Variants in DPYSL5 observed in about 807,000 individuals in gnomAD.
DPYSL5 encodes the protein dihydropyrimidinase-related protein 5.
DPYSL5 carries 9 observed loss-of-function variants against 58.4 expected under a neutral mutation model. The ratio of observed to expected loss-of-function variants is 0.15; its 90% CI spans 0.09 to 0.27. The LOEUF (loss-of-function observed/expected upper bound fraction) is 0.27. DPYSL5 is among the 10% of genes least tolerant of loss of function. The pLI, the probability that DPYSL5 is intolerant of heterozygous loss-of-function variation, is 1.00. For synonymous variants in DPYSL5, 293 were observed against 301.9 expected (o/e 0.97, Z 0.31); for missense variants, 499 against 770.6 (o/e 0.65, Z 4.17).
chr2:26,861,165 C>G (rs1479440102), intron 1 of DPYSL5, among the ~76,000 whole-genome samples: 1 of 152,164 alleles, frequency 6.6e-6, no homozygotes, highest in Non-Finnish European at 1.5e-5. Context: ...GCTTACTGAA[C>G]AGACAGACTG....
At chr2:26,922,837 C>G (rs575420230) in intron 2 of DPYSL5, among the ~76,000 whole-genome samples, 1 of 152,204 alleles carries the variant, frequency 6.6e-6, no homozygotes, top group Non-Finnish European at 1.5e-5. Flanking sequence ...TGCTCTCCTT[C>G]TCCCGGTTCC....
intron 6 of DPYSL5, among the ~76,000 whole-genome samples, chr2:26,932,185 A>AAGAC (rs1438010833): frequency 0.058 from 4,108 of 70,264 alleles, 227 homozygotes; most frequent in Admixed American, 0.15. Context: ...GAAAGAAAGA[A>AAGAC]AGAAAGAAAG....
chr2:26,878,725 G>A (rs932604123), intron 1 of DPYSL5, among the ~76,000 whole-genome samples: 4 of 152,122 alleles, frequency 2.6e-5, no homozygotes, highest in African/African-American at 7.2e-5. Context: ...CTCTTGGCAC[G>A]CCATGTCCCA....
intron 1 of DPYSL5, among the ~76,000 whole-genome samples, chr2:26,873,477 C>G (rs1341956201): frequency 6.6e-6 from 1 of 152,144 alleles, no homozygotes; most frequent in African/African-American, 2.4e-5. Flanking sequence ...GCAGGTACTA[C>G]TGGTATGTAG....
At chr2:26,888,184 C>G (rs1227346526) in intron 1 of DPYSL5, among the ~76,000 whole-genome samples, 1 of 151,342 alleles carries the variant, frequency 6.6e-6, no homozygotes, top group Non-Finnish European at 1.5e-5. Context: ...CTCTTTCTTT[C>G]TTTTTCCTTC....
intron 1 of DPYSL5, among the ~76,000 whole-genome samples, chr2:26,894,341 A>G (rs1239289360): frequency 1.3e-5 from 2 of 152,088 alleles, no homozygotes; most frequent in Non-Finnish European, 2.9e-5. Context: ...CTCAGCCCCC[A>G]GCTTTGCAGA....
Position 26,946,999 on chromosome 2 carries a change from C to G in DPYSL5, c.*4C>G, listed in dbSNP as rs1430551619. On this transcript the variant is annotated 3_prime_UTR_variant, in exon 13 of 13. Coordinates refer to ENST00000288699, the MANE Select transcript of DPYSL5 (RefSeq NM_020134.4). ...CAGGTCGAGTGGCATTTGGTAAAGG[C>G]ATTGCCAAGCCCCCCGAGTGAGGAC... The G allele has an allele frequency of 1.6e-5, 26 of 1,608,418 alleles. No individual in the cohort carries two copies. Among genetic ancestry groups the G allele is most frequent in the Non-Finnish European group, 2.0e-5 (24 of 1,175,416 alleles).
chr2:26,854,912 G>A (rs1267040854), intron 1 of DPYSL5, among the ~76,000 whole-genome samples: 2 of 151,630 alleles, frequency 1.3e-5, no homozygotes, highest in East Asian at 2.0e-4. Flanking sequence ...TCTGCCTCCC[G>A]GTTCAAGCAA....
rs1195379438 is a variant in DPYSL5 at position 26,931,148 on chromosome 2, AAAAAATAT to A, written c.670-490_670-483del. On this transcript the variant is annotated intron_variant, in intron 5 of 12. Transcript: ENST00000288699. ...AGTGAGACCCTATCTAAAAAAAAAA[AAAAAATAT>A]ATATATATATATATGTGTGTGTGTG... 7.9e-4 allele frequency among the ~76,000 whole-genome samples: 31 copies of A among 39,346 alleles called. No homozygotes were observed. In the East Asian group the frequency reaches 0.011, roughly 14 times the overall value. The allele number at this position is 39,346 out of a possible 152,430, so 25.8% of individuals were successfully genotyped here. A position where few individuals can be genotyped will look rare whatever the true frequency, so the allele number is the denominator to read the frequency against.
chr2:26,890,766 G>T (rs1011614991), intron 1 of DPYSL5, among the ~76,000 whole-genome samples: 1 of 152,180 alleles, frequency 6.6e-6, no homozygotes, highest in Non-Finnish European at 1.5e-5. Context: ...CAAGATCAGG[G>T]TGCAGGCGGG....
At chr2:26,888,841 T>C (rs1663797206) in intron 1 of DPYSL5, among the ~76,000 whole-genome samples, 1 of 152,166 alleles carries the variant, frequency 6.6e-6, no homozygotes, top group African/African-American at 2.4e-5. Context: ...AAAACTACCG[T>C]AGACTGGGTG....
intron 1 of DPYSL5, among the ~76,000 whole-genome samples, chr2:26,859,404 G>A (rs1665958386): frequency 6.6e-6 from 1 of 151,314 alleles, no homozygotes; most frequent in South Asian, 2.1e-4. Flanking sequence ...TCTATCTATA[G>A]TACCTGATAG....
In DPYSL5 at chr2:26,927,577, C is replaced by A; in HGVS notation, c.600+145C>A. On this transcript the variant is annotated intron_variant, in intron 4 of 12. Coordinates refer to ENST00000288699, the MANE Select transcript of DPYSL5 (RefSeq NM_020134.4). The surrounding 1 kb of genome is among the most constrained non-coding windows in gnomAD (Gnocchi z 4.3). ...TGTGAGGTGTGGACACCCCAGCTGT[C>A]AGATCTTGGTCAGAAAATCCAAACT... is the stretch of plus-strand genomic sequence containing the variant. The A allele has an allele frequency of 2.0e-6, 2 of 1,013,764 alleles. No individual in the cohort carries two copies. Among genetic ancestry groups the A allele is most frequent in the Non-Finnish European group, 2.8e-6 (2 of 725,334 alleles). 62.8% of individuals were successfully genotyped at this position (1,013,764 alleles called of 1,614,324 possible).
chr2:26,895,775 C>CTTTTTTTTTTTTTTT (rs869030530), intron 1 of DPYSL5, among the ~76,000 whole-genome samples: 22 of 101,080 alleles, frequency 2.2e-4, no homozygotes, highest in Non-Finnish European at 2.9e-4. Flanking sequence ...ATTTCTTTTT[C>CTTTTTTTTTTTTTTT]TTTTTTTTTT....
Position 26,928,704 on chromosome 2 carries a change from T to TATATATATATATATACACACAC in DPYSL5, c.669+382_669+383insTATATATATATATACACACACA. Among the ~76,000 whole-genome samples, 122 of 62,830 alleles carry TATATATATATATATACACACAC rather than the reference T, an allele frequency of 1.9e-3. 3 individuals are homozygous for TATATATATATATATACACACAC. The highest frequency in any genetic ancestry group is 6.7e-3 in the African/African-American group (106 of 15,746). 41.2% of individuals were successfully genotyped at this position (62,830 alleles called of 152,430 possible). A position where few individuals can be genotyped will look rare whatever the true frequency, so the allele number is the denominator to read the frequency against. On this transcript the variant is annotated intron_variant, in intron 5 of 12. Coordinates refer to ENST00000288699, the MANE Select transcript of DPYSL5 (RefSeq NM_020134.4). ...GTGATAGAGTATATATATATATATATACACACACACACATACATATATATA... is the reference window on the plus strand; with the variant it reads ...GTGATAGAGTATATATATATATATATATATATATATATATACACACACACACACACACACATACATATATATA...
intron 2 of DPYSL5, among the ~76,000 whole-genome samples, chr2:26,923,066 A>G (rs780164090): frequency 1.3e-5 from 2 of 152,116 alleles, no homozygotes; most frequent in Non-Finnish European, 2.9e-5. Flanking sequence ...CTTATTCCCC[A>G]GCAATATTTT....
intron 12 of DPYSL5, among the ~76,000 whole-genome samples, chr2:26,945,717 C>T (rs1279222054): frequency 1.3e-5 from 2 of 152,250 alleles, no homozygotes; most frequent in Non-Finnish European, 2.9e-5. Flanking sequence ...ACCAAGCACC[C>T]ACTCAGTAAG....
At chr2:26,876,816 A>T (rs1378494651) in intron 1 of DPYSL5, among the ~76,000 whole-genome samples, 3 of 146,252 alleles carry the variant, frequency 2.1e-5, no homozygotes, top group Admixed American at 6.8e-5. Context: ...GCGCCCGGCC[A>T]TGATGTCCAG....
intron 1 of DPYSL5, among the ~76,000 whole-genome samples, chr2:26,891,506 G>C (rs1182619846): frequency 2.6e-5 from 4 of 152,044 alleles, no homozygotes; most frequent in Non-Finnish European, 4.4e-5. Flanking sequence ...ATAGGCCGAG[G>C]TGGTGGCAGC....
Sources: gnomAD v4.1 joint callset for allele counts (sites outside exome capture counted in the v4.1 genomes callset) on GRCh38, gnomAD v4.1.1 for gene constraint, Gnocchi (gnomAD v3.1) non-coding constraint, MANE v1.5 for transcripts, NCBI Gene and HGNC (gene_info 2026-07-23, HGNC 2026-07-21) for gene names.